The following PHLPP1 variants were observed in gnomAD, a reference collection of about 807,000 sequenced individuals.
PHLPP1 encodes the protein PH domain and leucine rich repeat protein phosphatase 1.
Under a neutral mutation model 117.2 loss-of-function variants are expected in PHLPP1, and 42 were observed. The observed-to-expected ratio is 0.36, with a 90% CI of 0.28 to 0.46. The LOEUF is 0.46. PHLPP1 is among the 20% of genes least tolerant of loss of function. The pLI is 1.00. For synonymous variants in PHLPP1, 1,042 were observed against 970.7 expected (o/e 1.07, Z -1.37); for missense variants, 2,084 against 2,241.9 (o/e 0.93, Z 1.42).
At chr18:62,900,696 C>T (rs2658588) in intron 6 of PHLPP1, among the ~76,000 whole-genome samples, 10 of 152,062 alleles carry the variant, frequency 6.6e-5, no homozygotes, top group Admixed American at 3.9e-4. Context: ...AACGAACCTT[C>T]TACTTCAGCC....
At chr18:62,895,242 C>T in intron 5 of PHLPP1, 85 bp downstream of exon 5, 1 of 1,376,440 alleles carries the variant, frequency 7.3e-7, no homozygotes, top group South Asian at 1.3e-5. Flanking sequence ...GATTAGTTAA[C>T]TTGTTATGTT....
intron 1 of PHLPP1, among the ~76,000 whole-genome samples, chr18:62,754,406 A>T (rs1335242252): frequency 6.6e-6 from 1 of 152,202 alleles, no homozygotes; most frequent in South Asian, 2.1e-4. Context: ...CAGTCTTCAT[A>T]CTTTTTTTCC....
chr18:62,874,227 G>A (rs1008935706), intron 4 of PHLPP1, among the ~76,000 whole-genome samples: 1 of 150,924 alleles, frequency 6.6e-6, no homozygotes, highest in South Asian at 2.1e-4. Context: ...TAAGATATAG[G>A]CCGGTTGAGG....
intron 1 of PHLPP1, among the ~76,000 whole-genome samples, chr18:62,753,301 T>G (rs1346953365): frequency 6.6e-6 from 1 of 152,248 alleles, no homozygotes; most frequent in Non-Finnish European, 1.5e-5. Flanking sequence ...TGATTTATCA[T>G]TTTAATGTGC....
At chr18:62,923,483 T>C (rs2144429748) in intron 10 of PHLPP1, among the ~76,000 whole-genome samples, 1 of 152,300 alleles carries the variant, frequency 6.6e-6, no homozygotes, top group South Asian at 2.1e-4. Flanking sequence ...TTGTTAATTA[T>C]CTTGGGCAGA....
At chr18:62,814,557 TCAGTCTA>T (rs1914210582) in intron 1 of PHLPP1, among the ~76,000 whole-genome samples, 1 of 152,232 alleles carries the variant, frequency 6.6e-6, no homozygotes, top group Non-Finnish European at 1.5e-5. Flanking sequence ...TAGAGTTTTA[TCAGTCTA>T]AGCTCTGAAG....
At chr18:62,953,035 A>G (rs1183323713) in intron 12 of PHLPP1, among the ~76,000 whole-genome samples, 1 of 152,250 alleles carries the variant, frequency 6.6e-6, no homozygotes, top group African/African-American at 2.4e-5. Flanking sequence ...ACTTAGTTGT[A>G]TCAACATCCC....
At chr18:62,787,206 T>C (rs1913318359) in intron 1 of PHLPP1, among the ~76,000 whole-genome samples, 1 of 152,138 alleles carries the variant, frequency 6.6e-6, no homozygotes. Context: ...TTTTGAAATA[T>C]AGCTAACCCC....
At chr18:62,822,928 A>G (rs1914509757) in intron 1 of PHLPP1, among the ~76,000 whole-genome samples, 1 of 152,210 alleles carries the variant, frequency 6.6e-6, no homozygotes, top group South Asian at 2.1e-4. Flanking sequence ...GTCTTAGAAC[A>G]ATTGATGTAG....
intron 6 of PHLPP1, among the ~76,000 whole-genome samples, chr18:62,898,795 T>TTTA (rs200823438): frequency 0.068 from 10,305 of 151,684 alleles, 475 homozygotes; most frequent in Non-Finnish European, 0.1. Flanking sequence ...TTTTGTTTTA[T>TTTA]TTATTATTAT....
At chr18:62,755,409 G>C (rs1168895934) in intron 1 of PHLPP1, among the ~76,000 whole-genome samples, 1 of 152,166 alleles carries the variant, frequency 6.6e-6, no homozygotes, top group Non-Finnish European at 1.5e-5. Flanking sequence ...CGTGGTGTGA[G>C]TGTATGTGTG....
rs550571055 is a variant in PHLPP1 at position 62,971,094 on chromosome 18, T to C, written c.3561-1420T>C. Reference sequence around the variant, plus strand: ...ACCAGGTTTCCAGGGAGAAGCCTGCTGTTGGGCACGTCCTGGTTTCCCCTG... The same window carrying C: ...ACCAGGTTTCCAGGGAGAAGCCTGCCGTTGGGCACGTCCTGGTTTCCCCTG... On this transcript the variant is annotated intron_variant, in intron 14 of 16. Coordinates refer to ENST00000262719, the MANE Select transcript of PHLPP1 (RefSeq NM_194449.4). 2.6e-5 allele frequency among the ~76,000 whole-genome samples: 4 copies of C among 152,374 alleles called. No homozygotes were observed. The South Asian group carries it at 6.2e-4, about 24-fold the overall frequency.
rs772295559 is a variant in PHLPP1 at position 62,717,057 on chromosome 18, C to T, written c.1374C>T (p.Thr458=). The T allele has an allele frequency of 5.8e-6, 9 of 1,546,530 alleles. No homozygotes were observed. The highest frequency in any genetic ancestry group is 2.7e-5 in the African/African-American group (2 of 72,920). Reference sequence around the variant, plus strand: ...CTACCCCCGGGAGGAGCGGGGTGACCGCGGAGAAGGCGCCTCCGCCGCCCC... The same window carrying T: ...CTACCCCCGGGAGGAGCGGGGTGACTGCGGAGAAGGCGCCTCCGCCGCCCC... ...LQSTPGRSGV[T]AEKAPPPPPP... is the part of the protein sequence containing the mutation. Residue 458 remains threonine, a synonymous_variant, in exon 1 of 17, where the codon ACC becomes ACT. Coordinates refer to ENST00000262719, the MANE Select transcript of PHLPP1 (RefSeq NM_194449.4).
intron 1 of PHLPP1, among the ~76,000 whole-genome samples, chr18:62,766,918 G>C (rs574814893): frequency 2.0e-5 from 3 of 152,084 alleles, no homozygotes; most frequent in Non-Finnish European, 4.4e-5. Flanking sequence ...AAGATAAACT[G>C]TCTACAGATG....
intron 3 of PHLPP1, among the ~76,000 whole-genome samples, chr18:62,846,877 A>G (rs1433097372): frequency 6.6e-6 from 1 of 152,196 alleles, no homozygotes. Flanking sequence ...TGCTTCATCT[A>G]TACCTGTCTT....
At chr18:62,786,510 G>A (rs1405380105) in intron 1 of PHLPP1, among the ~76,000 whole-genome samples, 5 of 152,040 alleles carry the variant, frequency 3.3e-5, no homozygotes, top group Admixed American at 6.5e-5. Context: ...TACTAATCTC[G>A]CTGCCTTATT....
intron 1 of PHLPP1, among the ~76,000 whole-genome samples, chr18:62,807,338 A>C (rs1423334288): frequency 6.6e-6 from 1 of 152,216 alleles, no homozygotes; most frequent in African/African-American, 2.4e-5. Context: ...AAATTAAGGT[A>C]CTACTCTAAA....
intron 1 of PHLPP1, among the ~76,000 whole-genome samples, chr18:62,781,035 C>T (rs1913104479): frequency 6.6e-6 from 1 of 152,208 alleles, no homozygotes; most frequent in South Asian, 2.1e-4. Flanking sequence ...TTCTTGAGAA[C>T]ACTGGCTTTG....
chr18:62,831,849 A>G (rs1034306608), intron 2 of PHLPP1, among the ~76,000 whole-genome samples: 1 of 152,142 alleles, frequency 6.6e-6, no homozygotes, highest in Non-Finnish European at 1.5e-5. Context: ...ATACTTGATC[A>G]TTTTCAAAAA....
Sources: allele counts gnomAD v4.1 joint callset (sites outside exome capture counted in the v4.1 genomes callset), GRCh38; gene constraint gnomAD v4.1.1; transcripts MANE v1.5; gene names NCBI Gene and HGNC (gene_info 2026-07-23, HGNC 2026-07-21).